MICU1: variants seen among roughly 807,000 people sequenced by gnomAD.
MICU1 encodes calcium uptake protein 1, mitochondrial.
Under a neutral mutation model 56.8 loss-of-function variants are expected in MICU1, and 45 were observed. The observed-to-expected ratio is 0.79, with a 90% CI of 0.62 to 1.02. The LOEUF is 1.02. MICU1 is among the 50% of genes least tolerant of loss of function. MICU1 has a pLI of 0.00. For synonymous variants in MICU1, 186 were observed against 195.1 expected, an observed-to-expected ratio of 0.95 and a Z score of 0.39; for missense variants, 504 against 587.1, an observed-to-expected ratio of 0.86 and a Z score of 1.46.
chr10:72,456,206 C>T (rs1865452676), intron 8 of MICU1, among the ~76,000 whole-genome samples: 1 of 152,200 alleles, frequency 6.6e-6, no homozygotes, highest in African/African-American at 2.4e-5. Flanking sequence ...GAGTCTAACA[C>T]TATGATCCTG....
chr10:72,383,417 T>G (rs1472650279), intron 10 of MICU1, among the ~76,000 whole-genome samples: 1 of 152,174 alleles, frequency 6.6e-6, no homozygotes, highest in Non-Finnish European at 1.5e-5. Flanking sequence ...AGATATAAAA[T>G]CAAATATGTA....
Position 72,469,086 on chromosome 10 carries a change from C to T in MICU1, c.933+6014G>A, listed in dbSNP as rs149971940. 3.9e-5 allele frequency among the ~76,000 whole-genome samples: 6 copies of T among 152,252 alleles called. No individual in the cohort carries two copies. The East Asian group carries it at 1.2e-3, about 29-fold the overall frequency. ...GAACATGGGTAAAACATCACTAAAC[C>T]TGACAGGGTTGTTGAGAATTAAAAT... is the stretch of plus-strand genomic sequence containing the variant. On this transcript the variant is annotated intron_variant, in intron 8 of 11. Transcript: ENST00000361114.
intron 7 of MICU1, 115 bp from the exon 8 acceptor site, chr10:72,475,412 A>G: frequency 1.0e-6 from 1 of 984,466 alleles, no homozygotes; most frequent in Non-Finnish European, 1.4e-6. Flanking sequence ...TATTATAATT[A>G]TCTCTTTTAA....
chr10:72,374,799 T>C (rs2132035523), intron 11 of MICU1, among the ~76,000 whole-genome samples: 1 of 147,998 alleles, frequency 6.8e-6, no homozygotes, highest in Non-Finnish European at 1.5e-5. Context: ...TTTTGCCATC[T>C]ACTATTATCT....
chr10:72,373,780 G>T (rs1212324548), intron 11 of MICU1, among the ~76,000 whole-genome samples: 1 of 152,058 alleles, frequency 6.6e-6, no homozygotes, highest in Non-Finnish European at 1.5e-5. Flanking sequence ...AAAAATAAAT[G>T]TTTTTTGGAA....
At chr10:72,523,912 C>G in intron 5 of MICU1, 1 of 1,493,276 alleles carries the variant, frequency 6.7e-7, no homozygotes, top group South Asian at 1.3e-5. Flanking sequence ...TTGATTAGCT[C>G]AGAAAAGCAA....
chr10:72,451,697 T>G (rs544359395), intron 8 of MICU1, among the ~76,000 whole-genome samples: 1 of 151,974 alleles, frequency 6.6e-6, no homozygotes, highest in African/African-American at 2.4e-5. Flanking sequence ...CACTTGCCAC[T>G]GTACTCAGCT....
intron 8 of MICU1, among the ~76,000 whole-genome samples, chr10:72,461,200 G>A (rs368646536): frequency 3.9e-5 from 6 of 152,200 alleles, no homozygotes; most frequent in South Asian, 2.1e-4. Flanking sequence ...AAACCTAGAC[G>A]ATCTATCAAT....
chr10:72,483,042 G>A (rs1431011323), intron 6 of MICU1, among the ~76,000 whole-genome samples: 1 of 151,864 alleles, frequency 6.6e-6, no homozygotes, highest in Admixed American at 6.6e-5. Flanking sequence ...TTTTAGTAGA[G>A]ACGGGGTTTC....
chr10:72,459,623 C>T (rs1028874158), intron 8 of MICU1, among the ~76,000 whole-genome samples: 2 of 152,134 alleles, frequency 1.3e-5, no homozygotes, highest in Non-Finnish European at 2.9e-5. Context: ...CACTCTGTCC[C>T]TCACTTTCTT....
intron 1 of MICU1, among the ~76,000 whole-genome samples, chr10:72,610,523 C>T (rs1170058765): frequency 1.3e-5 from 2 of 152,064 alleles, no homozygotes. Context: ...ACATAAGAAA[C>T]AGTGGGAAGA....
chr10:72,592,159 G>GCA (rs1841245731), intron 1 of MICU1, among the ~76,000 whole-genome samples: 1 of 151,484 alleles, frequency 6.6e-6, no homozygotes, highest in Non-Finnish European at 1.5e-5. Context: ...ACAGGCACCT[G>GCA]CCATCATGCC....
intron 1 of MICU1, among the ~76,000 whole-genome samples, chr10:72,575,236 C>G (rs1488638317): frequency 6.6e-6 from 1 of 152,182 alleles, no homozygotes; most frequent in South Asian, 2.1e-4. Flanking sequence ...AAGCAGCAGT[C>G]TCCTCTGTCT....
intron 8 of MICU1, among the ~76,000 whole-genome samples, chr10:72,448,752 A>T (rs1019180264): frequency 1.2e-4 from 18 of 152,128 alleles, no homozygotes; most frequent in Admixed American, 7.2e-4. Context: ...CTCCTTTCAT[A>T]AAGGAAAAAA....
intron 1 of MICU1, among the ~76,000 whole-genome samples, chr10:72,574,356 C>T (rs1840689352): frequency 6.6e-6 from 1 of 152,010 alleles, no homozygotes; most frequent in African/African-American, 2.4e-5. Context: ...ATGGTGAAAT[C>T]CCATCTCTCC....
At chr10:72,442,160 T>G (rs1195692141) in intron 8 of MICU1, among the ~76,000 whole-genome samples, 1 of 152,140 alleles carries the variant, frequency 6.6e-6, no homozygotes. Flanking sequence ...TAATGCTTTT[T>G]CTTTTTCTTT....
At chr10:72,548,717 G>T (rs1298040956) in intron 4 of MICU1, among the ~76,000 whole-genome samples, 2 of 152,154 alleles carry the variant, frequency 1.3e-5, no homozygotes, top group Non-Finnish European at 2.9e-5. Flanking sequence ...CTCTTTCTGA[G>T]ACAGAGTCTC....
intron 10 of MICU1, among the ~76,000 whole-genome samples, chr10:72,404,276 G>A (rs982774211): frequency 6.6e-6 from 1 of 152,198 alleles, no homozygotes; most frequent in East Asian, 1.9e-4. Context: ...GAGCCACCAC[G>A]CCCAGACTAA....
intron 9 of MICU1, among the ~76,000 whole-genome samples, chr10:72,412,104 TG>T (rs1323108631): frequency 6.6e-6 from 1 of 152,162 alleles, no homozygotes; most frequent in Non-Finnish European, 1.5e-5. Context: ...CTCCTTAAAG[TG>T]AAGATGATGT....
Sources: allele counts gnomAD v4.1 joint callset (sites outside exome capture counted in the v4.1 genomes callset), GRCh38; gene constraint gnomAD v4.1.1; transcripts MANE v1.5; gene names NCBI Gene and HGNC (gene_info 2026-07-23, HGNC 2026-07-21).